The following TBC1D1 variants were observed in gnomAD, a reference collection of about 807,000 sequenced individuals.
TBC1D1 encodes the protein TBC1 (tre-2/USP6, BUB2, cdc16) domain family, member 1.
TBC1D1 carries 89 observed loss-of-function variants against 125.6 expected under a neutral mutation model. That is an observed-to-expected ratio of 0.71 (90% CI 0.60 to 0.85). TBC1D1 has a LOEUF of 0.85. Among genes scored for constraint, TBC1D1 ranks in the 40% least tolerant of loss-of-function variants. The pLI is 0.00. For synonymous variants in TBC1D1, 565 were observed against 564.1 expected (o/e 1.00, Z -0.02); for missense variants, 1,377 against 1,469.2 (o/e 0.94, Z 1.03).
chr4:38,006,963 G>A (rs1405195729), intron 2 of TBC1D1: 3 of 431,644 alleles, frequency 7.0e-6, no homozygotes, highest in African/African-American at 4.2e-5. Context: ...CCAGTCATAA[G>A]TCTCCTTCTT....
In TBC1D1 at chr4:38,069,029, A is replaced by G. The variant is rs562200448; in HGVS notation, c.2050+14691A>G. Among the ~76,000 whole-genome samples the G allele has an allele frequency of 2.4e-4, 36 of 152,364 alleles. 1 individual carries two copies. The East Asian group carries it at 6.9e-3, about 29-fold the overall frequency. ...GCTCCTAAAACTAGTGTTACTGGATATGTAAAAGCTATTGAGCCCAGTGCT... is the reference window on the plus strand; with the variant it reads ...GCTCCTAAAACTAGTGTTACTGGATGTGTAAAAGCTATTGAGCCCAGTGCT... On this transcript the variant is annotated intron_variant, in intron 12 of 19. Transcript: ENST00000261439.
intron 2 of TBC1D1, among the ~76,000 whole-genome samples, chr4:37,964,926 T>A (rs549108069): frequency 6.6e-6 from 1 of 152,370 alleles, no homozygotes; most frequent in South Asian, 2.1e-4. Flanking sequence ...GCATGGTGTC[T>A]GTCTAGAGAA....
chr4:38,120,183 C>T lies in TBC1D1; in HGVS notation c.2962+1991C>T, dbSNP rs942059328. ...TCATAAACATTATGCATAGAGATGC[C>T]AGTGTCTACATCATTCCTGGATCCC... On this transcript the variant is annotated intron_variant, in intron 17 of 19. Coordinates refer to ENST00000261439, the MANE Select transcript of TBC1D1 (RefSeq NM_015173.4). The T allele has an allele frequency of 8.2e-6, 7 of 850,564 alleles. No homozygotes were observed. The African/African-American group carries it at 1.3e-4, about 16-fold the overall frequency. The allele number at this position is 850,564 out of a possible 1,614,324, so 52.7% of individuals were successfully genotyped here. A position where few individuals can be genotyped will look rare whatever the true frequency, so the allele number is the denominator to read the frequency against.
Position 37,926,381 on chromosome 4 carries a change from G to A in TBC1D1, c.417+23869G>A, listed in dbSNP as rs1476658773. Among the ~76,000 whole-genome samples, 6 of 152,182 alleles carry A rather than the reference G, an allele frequency of 3.9e-5. No individual in the cohort carries two copies. In the East Asian group the frequency reaches 1.2e-3, roughly 29 times the overall value. On this transcript the variant is annotated intron_variant, in intron 2 of 19. Coordinates refer to ENST00000261439, the MANE Select transcript of TBC1D1 (RefSeq NM_015173.4). Reference sequence around the variant, plus strand: ...ATGGCACCTCTGTACAAATTACAAAGTGCCCCTTCCTTCCTGTGAAAGGAG... The same window carrying A: ...ATGGCACCTCTGTACAAATTACAAAATGCCCCTTCCTTCCTGTGAAAGGAG...
intron 2 of TBC1D1, among the ~76,000 whole-genome samples, chr4:38,010,466 T>G (rs2152421004): frequency 6.6e-6 from 1 of 152,328 alleles, no homozygotes; most frequent in South Asian, 2.1e-4. Flanking sequence ...CATGTCCAGC[T>G]TAGACTCCCT....
At chr4:38,103,809 A>G (rs917739809) in intron 15 of TBC1D1, among the ~76,000 whole-genome samples, 4 of 152,200 alleles carry the variant, frequency 2.6e-5, no homozygotes, top group Admixed American at 2.0e-4. Context: ...GTAACTATCT[A>G]TGTAGAATTT....
At chr4:38,071,390 A>T (rs1464916896) in intron 12 of TBC1D1, among the ~76,000 whole-genome samples, 5 of 152,218 alleles carry the variant, frequency 3.3e-5, no homozygotes, top group African/African-American at 1.2e-4. Context: ...TTGGGAATGG[A>T]TTTAATAAAA....
intron 2 of TBC1D1, among the ~76,000 whole-genome samples, chr4:37,972,263 C>T (rs141473767): frequency 1.8e-3 from 276 of 152,092 alleles, no homozygotes; most frequent in African/African-American, 6.1e-3. Flanking sequence ...GGGTGGATCA[C>T]CTGAGGTAGG....
rs954632469 is a variant in TBC1D1, at chr4:38,115,705, C to T, written c.2558-5C>T. The T allele has an allele frequency of 6.2e-7, 1 of 1,609,124 alleles. No individual in the cohort carries two copies. The stretch of plus-strand genomic sequence containing the variant: ...TATTACAACTAATATGTATTCTTTT[C>T]ACAGGGCGAACCTTTCCTACACACC... On this transcript the variant is annotated splice_region_variant and splice_polypyrimidine_tract_variant and intron_variant, in intron 15 of 19. Coordinates refer to ENST00000261439, the MANE Select transcript of TBC1D1 (RefSeq NM_015173.4).
At chr4:37,920,532 C>T (rs28678183) in intron 2 of TBC1D1, among the ~76,000 whole-genome samples, 4,285 of 152,092 alleles carry the variant, frequency 0.028, 218 homozygotes, top group African/African-American at 0.098. Context: ...GACTTGGAGG[C>T]GAGGGGCCGA....
At chr4:37,972,286 A>G (rs114825135) in intron 2 of TBC1D1, among the ~76,000 whole-genome samples, 14,070 of 151,886 alleles carry the variant, frequency 0.093, 815 homozygotes, top group Middle Eastern at 0.2. Flanking sequence ...GTTTGAGAGT[A>G]GCCTGACCAA....
chr4:38,127,381 C>CTTTTT (rs35658047), intron 18 of TBC1D1, among the ~76,000 whole-genome samples: 1 of 124,420 alleles, frequency 8.0e-6, no homozygotes, highest in African/African-American at 3.2e-5. Context: ...TTTCCACTGA[C>CTTTTT]TTTTTTTTTT....
chr4:37,936,441 C>A (rs1344208717), intron 2 of TBC1D1, among the ~76,000 whole-genome samples: 3 of 152,160 alleles, frequency 2.0e-5, no homozygotes, highest in African/African-American at 7.2e-5. Context: ...TGTTGCTGCA[C>A]TGGAATCTGT....
chr4:38,041,351 A>G (rs1748333329), intron 8 of TBC1D1, among the ~76,000 whole-genome samples: 1 of 152,208 alleles, frequency 6.6e-6, no homozygotes, highest in South Asian at 2.1e-4. Flanking sequence ...ACTTTCCTAT[A>G]CTGATACTGG....
intron 2 of TBC1D1, among the ~76,000 whole-genome samples, chr4:37,920,675 G>A (rs1720758172): frequency 6.6e-6 from 1 of 152,168 alleles, no homozygotes; most frequent in South Asian, 2.1e-4. Flanking sequence ...GATGAGAGAG[G>A]TTAATATCCC....
chr4:38,048,741 T>G (rs1749934199), intron 10 of TBC1D1, among the ~76,000 whole-genome samples: 1 of 152,150 alleles, frequency 6.6e-6, no homozygotes, highest in Non-Finnish European at 1.5e-5. Flanking sequence ...TTTTTGAATA[T>G]TTTGAATATA....
At chr4:37,935,378 T>C (rs1724179035) in intron 2 of TBC1D1, among the ~76,000 whole-genome samples, 2 of 152,204 alleles carry the variant, frequency 1.3e-5, no homozygotes, top group African/African-American at 2.4e-5. Flanking sequence ...TTCAACATTT[T>C]GTTTCTTTTT....
At chr4:37,912,268 G>T (rs1718781802) in intron 2 of TBC1D1, among the ~76,000 whole-genome samples, 1 of 152,190 alleles carries the variant, frequency 6.6e-6, no homozygotes, top group Non-Finnish European at 1.5e-5. Flanking sequence ...TTTTCCATGG[G>T]ACATTCGAGT....
At chr4:38,044,227 G>A (rs1748972441) in intron 8 of TBC1D1, 135 bp from the exon 9 acceptor site, 6 of 915,754 alleles carry the variant, frequency 6.6e-6, no homozygotes, top group Non-Finnish European at 9.6e-6. Flanking sequence ...TGTCACTAAG[G>A]AGCAGATGAG....
Sources: gnomAD v4.1 joint callset for allele counts (sites outside exome capture counted in the v4.1 genomes callset) on GRCh38, gnomAD v4.1.1 for gene constraint, MANE v1.5 for transcripts, NCBI Gene and HGNC (gene_info 2026-07-23, HGNC 2026-07-21) for gene names.